Variants in POLR3B observed in about 807,000 individuals in gnomAD.
The protein encoded by POLR3B is DNA-directed RNA polymerase III subunit RPC2.
POLR3B carries 96 observed loss-of-function variants against 147.4 expected under a neutral mutation model. That is an observed-to-expected ratio of 0.65 (90% CI 0.55 to 0.77). POLR3B has a LOEUF of 0.77. Among genes scored for constraint, POLR3B ranks in the 30% least tolerant of loss-of-function variants. The probability of loss-of-function intolerance (pLI) is 0.00; values close to 1 mark genes in which losing one functional copy is unlikely to be tolerated. For synonymous variants in POLR3B, 461 were observed against 485.9 expected (o/e 0.95, Z 0.67); for missense variants, 1,036 against 1,413.5 (o/e 0.73, Z 4.28).
intron 24 of POLR3B, 78 bp downstream of exon 24, chr12:106,496,236 G>A (rs1184570645): frequency 5.5e-6 from 5 of 903,336 alleles, no homozygotes; most frequent in African/African-American, 4.9e-5. Flanking sequence ...AGTGAGTGGA[G>A]GTGACGAGGA....
intron 26 of POLR3B, 31 bp downstream of exon 26, chr12:106,501,467 A>G: frequency 1.6e-6 from 2 of 1,262,370 alleles, no homozygotes; most frequent in South Asian, 1.2e-5. Context: ...AAAAGAATTG[A>G]TAATGCAGTC....
chr12:106,364,624 CAT>C (rs977520722), intron 2 of POLR3B, among the ~76,000 whole-genome samples: 5 of 152,198 alleles, frequency 3.3e-5, no homozygotes, highest in Non-Finnish European at 2.9e-5. Flanking sequence ...GACATGAAAA[CAT>C]GTGTCCATGC....
intron 12 of POLR3B, among the ~76,000 whole-genome samples, chr12:106,422,481 G>T (rs896216140): frequency 1.3e-5 from 2 of 152,150 alleles, no homozygotes; most frequent in African/African-American, 4.8e-5. Flanking sequence ...TTATAGCAAT[G>T]CAAGAGCAGA....
At chr12:106,374,361 G>A (rs2036648913) in intron 6 of POLR3B, among the ~76,000 whole-genome samples, 1 of 151,966 alleles carries the variant, frequency 6.6e-6, no homozygotes, top group South Asian at 2.1e-4. Context: ...GGGACTATAA[G>A]TGCACCACCA....
chr12:106,421,414 G>A (rs1243672239), intron 12 of POLR3B, among the ~76,000 whole-genome samples: 3 of 152,120 alleles, frequency 2.0e-5, no homozygotes, highest in African/African-American at 7.2e-5. Flanking sequence ...AATTTCTGAT[G>A]AGCTCCGTCC....
intron 23 of POLR3B, among the ~76,000 whole-genome samples, chr12:106,479,334 T>G (rs1335816325): frequency 6.6e-6 from 1 of 152,068 alleles, no homozygotes; most frequent in Non-Finnish European, 1.5e-5. Context: ...ACCTATCATA[T>G]TTTAAATTTC....
intron 10 of POLR3B, among the ~76,000 whole-genome samples, chr12:106,402,062 C>G (rs1448509370): frequency 6.6e-6 from 1 of 151,772 alleles, no homozygotes; most frequent in East Asian, 1.9e-4. Context: ...TCTAGAAAAC[C>G]CCATCGTCTC....
At chr12:106,452,401 T>A (rs115756836) in intron 19 of POLR3B, among the ~76,000 whole-genome samples, 3,763 of 152,282 alleles carry the variant, frequency 0.025, 160 homozygotes, top group African/African-American at 0.085. Context: ...GAGAATTATG[T>A]TCTGGGCCTG....
intron 16 of POLR3B, among the ~76,000 whole-genome samples, chr12:106,436,713 G>T (rs2037581539): frequency 6.6e-6 from 1 of 152,160 alleles, no homozygotes; most frequent in African/African-American, 2.4e-5. Flanking sequence ...GGCATTAAAG[G>T]TTTTGTTTCC....
At chr12:106,417,084 A>G (rs2037314465) in intron 12 of POLR3B, among the ~76,000 whole-genome samples, 1 of 152,158 alleles carries the variant, frequency 6.6e-6, no homozygotes, top group Non-Finnish European at 1.5e-5. Context: ...TTAACATGTA[A>G]TTCTTTACTT....
chr12:106,384,864 T>G (rs988339033), intron 9 of POLR3B, among the ~76,000 whole-genome samples: 13 of 151,840 alleles, frequency 8.6e-5, no homozygotes, highest in Admixed American at 3.3e-4. Flanking sequence ...GTTTCGCTCT[T>G]TCACCCAGGC....
At chr12:106,411,409 A>G (rs1359919868) in intron 12 of POLR3B, among the ~76,000 whole-genome samples, 1 of 152,216 alleles carries the variant, frequency 6.6e-6, no homozygotes, top group African/African-American at 2.4e-5. Flanking sequence ...AAGTGCTGGG[A>G]TTACAGGCGT....
chr12:106,485,990 A>T (rs2038331737), intron 23 of POLR3B, among the ~76,000 whole-genome samples: 1 of 152,136 alleles, frequency 6.6e-6, no homozygotes, highest in Non-Finnish European at 1.5e-5. Context: ...TATTCCTACT[A>T]TAAAGAGTAA....
chr12:106,442,992 C>T (rs1454782414), intron 18 of POLR3B, among the ~76,000 whole-genome samples: 1 of 152,084 alleles, frequency 6.6e-6, no homozygotes, highest in Admixed American at 6.5e-5. Context: ...ACTTTGTGTC[C>T]AGTACTACCC....
intron 14 of POLR3B, 22 bp downstream of exon 14, chr12:106,430,495 G>A (rs560543813): frequency 1.3e-6 from 2 of 1,595,254 alleles, no homozygotes; most frequent in East Asian, 2.2e-5. Context: ...GAGGAGTCTT[G>A]ATGCTGTGTA....
In POLR3B at chr12:106,501,450, AC is replaced by A. The variant is rs2038599623; in HGVS notation, c.3098+15del. ...CGTCCTTACCAGGTAAGAGAAAAGT[AC>A]TTACAAAAAGAATTGATAATGCAGT... On this transcript the variant is annotated intron_variant, in intron 26 of 27. Coordinates refer to ENST00000228347, the MANE Select transcript of POLR3B (RefSeq NM_018082.6). The A allele has an allele frequency of 6.8e-7, 1 of 1,462,000 alleles. No homozygotes were observed. Among genetic ancestry groups the A allele is most frequent in the African/African-American group, 1.4e-5 (1 of 72,018 alleles). The allele number at this position is 1,462,000 out of a possible 1,614,324, so 90.6% of individuals were successfully genotyped here. A position where few individuals can be genotyped will look rare whatever the true frequency, so the allele number is the denominator to read the frequency against.
intron 22 of POLR3B, among the ~76,000 whole-genome samples, chr12:106,462,164 G>T (rs886615425): frequency 6.6e-6 from 1 of 152,166 alleles, no homozygotes. Flanking sequence ...CTGCACTGTG[G>T]CCCTCTGCTC....
chr12:106,426,052 A>G (rs2037429658), intron 12 of POLR3B, among the ~76,000 whole-genome samples: 2 of 151,962 alleles, frequency 1.3e-5, no homozygotes, highest in Non-Finnish European at 2.9e-5. Flanking sequence ...TCTATATATT[A>G]TTTGTATGGT....
intron 23 of POLR3B, among the ~76,000 whole-genome samples, chr12:106,476,919 A>G (rs7962041): frequency 0.38 from 57,515 of 149,414 alleles, 13,159 homozygotes; most frequent in African/African-American, 0.64. Context: ...GAGGAACTGC[A>G]TTCCTTTGGA....
Sources: allele counts gnomAD v4.1 joint callset (sites outside exome capture counted in the v4.1 genomes callset), GRCh38; gene constraint gnomAD v4.1.1; transcripts MANE v1.5; gene names NCBI Gene and HGNC (gene_info 2026-07-23, HGNC 2026-07-21).